The following SH3GL2 variants were observed in gnomAD, a reference collection of about 807,000 sequenced individuals.
The protein encoded by SH3GL2 is SH3 domain containing GRB2 like 2, endophilin A1, also known as endophilin-A1.
Under a neutral mutation model 46.0 loss-of-function variants are expected in SH3GL2, and 24 were observed. The observed-to-expected ratio is 0.52, with a 90% CI of 0.38 to 0.73. SH3GL2 has a LOEUF of 0.73. Among genes scored for constraint, SH3GL2 ranks in the 30% least tolerant of loss-of-function variants. The probability of loss-of-function intolerance (pLI) is 0.00; values close to 1 mark genes in which losing one functional copy is unlikely to be tolerated. For missense variants in SH3GL2, 413 were observed against 424.2 expected (o/e 0.97, Z 0.23); for synonymous variants, 196 against 147.1 (o/e 1.33, Z -2.40).
intron 1 of SH3GL2, among the ~76,000 whole-genome samples, chr9:17,626,587 A>G (rs961595318): frequency 6.6e-6 from 1 of 152,236 alleles, no homozygotes; most frequent in Non-Finnish European, 1.5e-5. Context: ...TTTAAGACAT[A>G]TCAGGTAACC....
At chr9:17,712,636 C>G (rs1821657145) in intron 1 of SH3GL2, among the ~76,000 whole-genome samples, 1 of 151,820 alleles carries the variant, frequency 6.6e-6, no homozygotes, top group Admixed American at 6.6e-5. Flanking sequence ...AAGTTTGTTT[C>G]TAGATTATTT....
intron 1 of SH3GL2, among the ~76,000 whole-genome samples, chr9:17,703,971 C>A (rs1461828084): frequency 6.6e-6 from 1 of 151,906 alleles, no homozygotes; most frequent in African/African-American, 2.4e-5. Flanking sequence ...GTATAAAAAG[C>A]ATTCAGATAG....
intron 3 of SH3GL2, among the ~76,000 whole-genome samples, chr9:17,766,038 T>C (rs1823307815): frequency 6.6e-6 from 1 of 152,224 alleles, no homozygotes; most frequent in African/African-American, 2.4e-5. Context: ...GCATTTACTT[T>C]TATGCAAAGA....
intron 1 of SH3GL2, among the ~76,000 whole-genome samples, chr9:17,745,337 G>A (rs12554895): frequency 0.16 from 24,047 of 152,094 alleles, 2,371 homozygotes; most frequent in African/African-American, 0.26. Flanking sequence ...AGAAACTGTG[G>A]TATGGTAAAC....
chr9:17,773,563 C>G (rs891678196), intron 3 of SH3GL2, among the ~76,000 whole-genome samples: 1 of 151,986 alleles, frequency 6.6e-6, no homozygotes, highest in Non-Finnish European at 1.5e-5. Flanking sequence ...GTTGAAAAGA[C>G]TATTATTTCT....
chr9:17,661,702 TAGG>T (rs1820220448), intron 1 of SH3GL2, among the ~76,000 whole-genome samples: 2 of 152,174 alleles, frequency 1.3e-5, no homozygotes, highest in African/African-American at 4.8e-5. Context: ...TTTTAACTAA[TAGG>T]AGAGTGTGAT....
intron 1 of SH3GL2, among the ~76,000 whole-genome samples, chr9:17,697,039 C>CTGTCA (rs747675127): frequency 0.08 from 12,095 of 151,990 alleles, 637 homozygotes; most frequent in Admixed American, 0.14. Context: ...TGATACTGTC[C>CTGTCA]TGGGCTGACA....
chr9:17,791,702 C>T (rs889545499), intron 7 of SH3GL2, among the ~76,000 whole-genome samples: 1 of 152,162 alleles, frequency 6.6e-6, no homozygotes, highest in Non-Finnish European at 1.5e-5. Context: ...TTTTTAGCCT[C>T]GACTAACAGA....
intron 1 of SH3GL2, among the ~76,000 whole-genome samples, chr9:17,676,047 C>G (rs1440651262): frequency 1.3e-5 from 2 of 152,100 alleles, no homozygotes; most frequent in Admixed American, 1.3e-4. Flanking sequence ...TGTGTGTAAC[C>G]AAAGGGGGCT....
chr9:17,634,068 C>T (rs780168734), intron 1 of SH3GL2, among the ~76,000 whole-genome samples: 10 of 152,190 alleles, frequency 6.6e-5, no homozygotes, highest in Non-Finnish European at 1.5e-4. Flanking sequence ...TGGTTCTGGA[C>T]TCAGACTCTT....
chr9:17,749,942 C>G (rs1026208662), intron 2 of SH3GL2, among the ~76,000 whole-genome samples: 1 of 152,150 alleles, frequency 6.6e-6, no homozygotes, highest in African/African-American at 2.4e-5. Flanking sequence ...ATCTGATTGA[C>G]TGAAGAACAC....
chr9:17,628,648 T>C (rs770058893), intron 1 of SH3GL2, among the ~76,000 whole-genome samples: 8 of 152,108 alleles, frequency 5.3e-5, no homozygotes, highest in Non-Finnish European at 1.0e-4. Context: ...TTTTAATGGG[T>C]AGCTTTTTAT....
chr9:17,612,281 G>A (rs1314038155), intron 1 of SH3GL2, among the ~76,000 whole-genome samples: 1 of 152,166 alleles, frequency 6.6e-6, no homozygotes, highest in Non-Finnish European at 1.5e-5. Context: ...TGAATTTGTG[G>A]TAGTAGCTCT....
intron 1 of SH3GL2, among the ~76,000 whole-genome samples, chr9:17,698,135 T>C (rs999546301): frequency 8.5e-5 from 13 of 152,202 alleles, no homozygotes; most frequent in African/African-American, 2.9e-4. Context: ...TTACATATGG[T>C]AGTAGAAGGA....
chr9:17,724,437 T>A (rs1821972772), intron 1 of SH3GL2, among the ~76,000 whole-genome samples: 1 of 152,148 alleles, frequency 6.6e-6, no homozygotes, highest in African/African-American at 2.4e-5. Flanking sequence ...TTGGACATAT[T>A]TAAAATGACT....
At chr9:17,645,411 A>G (rs1431616361) in intron 1 of SH3GL2, among the ~76,000 whole-genome samples, 1 of 152,084 alleles carries the variant, frequency 6.6e-6, no homozygotes, top group Admixed American at 6.5e-5. Flanking sequence ...TGATCCTTTC[A>G]TTATGATGCT....
At chr9:17,695,527 C>A (rs952432067) in intron 1 of SH3GL2, among the ~76,000 whole-genome samples, 2 of 152,072 alleles carry the variant, frequency 1.3e-5, no homozygotes, top group Non-Finnish European at 2.9e-5. Flanking sequence ...TTGCTTAGAT[C>A]TCAATATACT....
At chr9:17,703,752 A>G (rs1821396368) in intron 1 of SH3GL2, among the ~76,000 whole-genome samples, 2 of 152,120 alleles carry the variant, frequency 1.3e-5, no homozygotes, top group Non-Finnish European at 2.9e-5. Flanking sequence ...ACAATTCAGC[A>G]TCCGTTCATG....
chr9:17,683,622 C>T (rs930991618), intron 1 of SH3GL2, among the ~76,000 whole-genome samples: 3 of 152,050 alleles, frequency 2.0e-5, no homozygotes, highest in African/African-American at 7.2e-5. Flanking sequence ...CTGCCTAAGA[C>T]TGAGGTTGAA....
Sources: allele counts gnomAD v4.1 joint callset (sites outside exome capture counted in the v4.1 genomes callset), GRCh38; gene constraint gnomAD v4.1.1; transcripts MANE v1.5; gene names NCBI Gene and HGNC (gene_info 2026-07-23, HGNC 2026-07-21).